ELF2: variants seen among roughly 807,000 people sequenced by gnomAD.
ELF2 encodes the protein E74 like ETS transcription factor 2, also known as ETS-related transcription factor Elf-2.
ELF2 carries 11 observed loss-of-function variants against 54.8 expected under a neutral mutation model. The observed-to-expected ratio is 0.20, with a 90% confidence interval of 0.13 to 0.33. ELF2 has a LOEUF of 0.33. ELF2 is among the 10% of genes least tolerant of loss of function. The pLI, the probability that ELF2 is intolerant of heterozygous loss-of-function variation, is 1.00. For synonymous variants in ELF2, 203 were observed against 245.1 expected (o/e 0.83, Z 1.61); for missense variants, 513 against 703.0 (o/e 0.73, Z 3.06).
chr4:139,066,109 T>A (rs1728674423), intron 7 of ELF2: 1 of 151,730 alleles, frequency 6.6e-6, no homozygotes, highest in African/African-American at 2.4e-5. Flanking sequence ...ATTTCTGTTT[T>A]AATTATTTAA....
chr4:139,080,816 A>T (rs1050984263), intron 4 of ELF2, among the ~76,000 whole-genome samples: 1 of 152,090 alleles, frequency 6.6e-6, no homozygotes, highest in Non-Finnish European at 1.5e-5. Flanking sequence ...TTACAGACTT[A>T]AACATATAAA....
intron 4 of ELF2, chr4:139,084,162 G>A (rs759497079): frequency 8.4e-5 from 135 of 1,613,448 alleles, no homozygotes; most frequent in Non-Finnish European, 1.0e-4. Context: ...CAGCTGGTTC[G>A]TGGGTCCCTC....
chr4:139,154,800 C>A (rs1007683220), intron 1 of ELF2, among the ~76,000 whole-genome samples: 2 of 152,272 alleles, frequency 1.3e-5, no homozygotes, highest in Non-Finnish European at 2.9e-5. Context: ...AATGCAGATT[C>A]GCTGAGCTAG....
At chr4:139,069,522 G>C (rs1729208424) in intron 6 of ELF2, among the ~76,000 whole-genome samples, 1 of 152,120 alleles carries the variant, frequency 6.6e-6, no homozygotes. Flanking sequence ...AGAAAAGTTA[G>C]TGCAAAAAGG....
Position 139,057,431 on chromosome 4 carries a change from T to G in ELF2, c.*1552A>C, listed in dbSNP as rs1031453270. On this transcript the variant is annotated 3_prime_UTR_variant, in exon 10 of 10. Transcript: ENST00000686138. ...TAAAACATGTAAAAATAGATAACTT[T>G]TCTTTGTAGTAGAAAGAGCATTAAG... The G allele has an allele frequency of 2.0e-5, 3 of 152,224 alleles. No homozygotes were observed. Among genetic ancestry groups the G allele is most frequent in the Admixed American group, 2.0e-4 (3 of 15,278 alleles). The allele number at this position is 152,224 out of a possible 1,614,324, so 9.4% of individuals were successfully genotyped here. A position where few individuals can be genotyped will look rare whatever the true frequency, so the allele number is the denominator to read the frequency against.
intron 3 of ELF2, 144 bp from the exon 4 acceptor site, chr4:139,125,473 G>T (rs2148836360): frequency 1.1e-6 from 1 of 873,094 alleles, no homozygotes; most frequent in Admixed American, 3.7e-5. Flanking sequence ...GCCAAAACAA[G>T]AGATGAAAAG....
At chr4:139,156,249 C>T (rs1425779332) in intron 1 of ELF2, among the ~76,000 whole-genome samples, 1 of 152,114 alleles carries the variant, frequency 6.6e-6, no homozygotes, top group Admixed American at 6.5e-5. Context: ...GATCTCAGCT[C>T]ACCGCAAGCT....
chr4:139,176,479 G>A (rs917559803), intron 1 of ELF2, among the ~76,000 whole-genome samples: 2 of 151,560 alleles, frequency 1.3e-5, no homozygotes, highest in Non-Finnish European at 2.9e-5. Context: ...CCCGGCGCCG[G>A]CCGCAGACTC....
intron 1 of ELF2, among the ~76,000 whole-genome samples, chr4:139,173,855 AAGAG>A (rs1164821741): frequency 1.3e-5 from 2 of 151,918 alleles, no homozygotes; most frequent in African/African-American, 4.8e-5. Context: ...TGAGAGGCCA[AAGAG>A]AGAGGATTGC....
At chr4:139,114,561 T>TCCAGTCTCTCACA (rs70940492) in intron 4 of ELF2, among the ~76,000 whole-genome samples, 12 of 108,636 alleles carry the variant, frequency 1.1e-4, no homozygotes, top group Non-Finnish European at 1.2e-4. Context: ...GACTTCAGTC[T>TCCAGTCTCTCACA]CACACACACA....
chr4:139,131,828 C>T (rs1197310705), intron 3 of ELF2, among the ~76,000 whole-genome samples: 2 of 149,620 alleles, frequency 1.3e-5, no homozygotes, highest in Non-Finnish European at 3.0e-5. Context: ...AGAAAACATA[C>T]ACCCATACTA....
intron 4 of ELF2, among the ~76,000 whole-genome samples, chr4:139,097,978 G>T (rs1272207154): frequency 6.6e-6 from 1 of 152,182 alleles, no homozygotes; most frequent in Non-Finnish European, 1.5e-5. Flanking sequence ...AGGATTACCG[G>T]CATGAGCTGC....
chr4:139,177,177 C>G lies in ELF2; in HGVS notation c.-462G>C, dbSNP rs557571407. 6.6e-6 allele frequency: 1 copy of G among 152,194 alleles called. No individual in the cohort carries two copies. Among genetic ancestry groups the G allele is most frequent in the Non-Finnish European group, 1.5e-5 (1 of 68,174 alleles). The allele number at this position is 152,194 out of a possible 1,614,324, so 9.4% of individuals were successfully genotyped here. On this transcript the variant is annotated 5_prime_UTR_variant, in exon 1 of 10. Coordinates refer to ENST00000686138, the MANE Select transcript of ELF2 (RefSeq NM_001331036.3). ...CGCCGCCCCACCGACCCCCAACCGC[C>G]TAGGCGACGGCGGCGACACAGAGCT...
At chr4:139,166,324 T>A (rs1216323946) in intron 1 of ELF2, among the ~76,000 whole-genome samples, 1 of 151,842 alleles carries the variant, frequency 6.6e-6, no homozygotes, top group Non-Finnish European at 1.5e-5. Flanking sequence ...GAAGTGGAGG[T>A]TGCAGTAAGC....
chr4:139,125,096 G>A (rs900277991), intron 4 of ELF2, 68 bp downstream of exon 4: 7 of 1,535,646 alleles, frequency 4.6e-6, no homozygotes, highest in African/African-American at 4.2e-5. Flanking sequence ...TTTTCATCTG[G>A]CAATAGTATT....
intron 1 of ELF2, among the ~76,000 whole-genome samples, chr4:139,167,373 T>C (rs1741828353): frequency 6.6e-6 from 1 of 152,232 alleles, no homozygotes; most frequent in Non-Finnish European, 1.5e-5. Flanking sequence ...CTCCCTTGGT[T>C]TGGCTTCCTA....
chr4:139,131,844 C>T (rs1184479653), intron 3 of ELF2, among the ~76,000 whole-genome samples: 4 of 149,236 alleles, frequency 2.7e-5, no homozygotes, highest in Non-Finnish European at 4.4e-5. Flanking sequence ...TACTAACAAA[C>T]ATCCATACAA....
rs374005271 is a variant in ELF2 at position 139,080,943 on chromosome 4, GA to G, written c.239-7377del. Reference sequence around the variant, plus strand: ...TATTCATTCACATGGTGTAATATTAGAAAAAAAAAAAAAAACCCAAGGAGAA... The same window carrying G: ...TATTCATTCACATGGTGTAATATTAGAAAAAAAAAAAAAACCCAAGGAGAA... On this transcript the variant is annotated intron_variant, in intron 4 of 9. Coordinates refer to ENST00000686138, the MANE Select transcript of ELF2 (RefSeq NM_001331036.3). 4.9e-3 allele frequency among the ~76,000 whole-genome samples: 526 copies of G among 106,910 alleles called. 2 individuals carry two copies. The highest frequency in any genetic ancestry group is 0.017 in the Middle Eastern group (3 of 174). The allele number at this position is 106,910 out of a possible 152,430, so 70.1% of individuals were successfully genotyped here.
At chr4:139,088,012 C>T (rs1483727702) in intron 4 of ELF2, among the ~76,000 whole-genome samples, 3 of 152,082 alleles carry the variant, frequency 2.0e-5, no homozygotes, top group African/African-American at 7.2e-5. Context: ...TTAGGCTGGT[C>T]ACAGTGGCTC....
Sources: allele counts gnomAD v4.1 joint callset (sites outside exome capture counted in the v4.1 genomes callset), GRCh38; gene constraint gnomAD v4.1.1; transcripts MANE v1.5; gene names NCBI Gene and HGNC (gene_info 2026-07-23, HGNC 2026-07-21).